The following FNDC3A variants were observed in gnomAD, a reference collection of about 807,000 sequenced individuals.
FNDC3A encodes fibronectin type III domain containing 3A.
A neutral mutation model predicts 148.9 loss-of-function variants in FNDC3A; 32 were observed. The ratio of observed to expected loss-of-function variants is 0.21; its 90% confidence interval spans 0.16 to 0.29. FNDC3A has a LOEUF of 0.29. FNDC3A is among the 10% of genes least tolerant of loss of function. The pLI, the probability that FNDC3A is intolerant of heterozygous loss-of-function variation, is 1.00. For synonymous variants in FNDC3A, 472 were observed against 473.6 expected, an observed-to-expected ratio of 1.00 and a Z score of 0.04; for missense variants, 1,191 against 1,452.8, an observed-to-expected ratio of 0.82 and a Z score of 2.93.
intron 4 of FNDC3A, among the ~76,000 whole-genome samples, chr13:49,120,158 AAGCC>A (rs1432307744): frequency 2.0e-5 from 3 of 152,226 alleles, no homozygotes; most frequent in Non-Finnish European, 2.9e-5. Flanking sequence ...GAAACTCTCC[AAGCC>A]AGAAGAGAGT....
chr13:49,027,702 G>GT (rs1873822994), intron 2 of FNDC3A, among the ~76,000 whole-genome samples: 1 of 151,834 alleles, frequency 6.6e-6, no homozygotes, highest in African/African-American at 2.4e-5. Flanking sequence ...TAACTCAAAA[G>GT]AATATTGTAA....
intron 3 of FNDC3A, among the ~76,000 whole-genome samples, chr13:49,096,846 G>A (rs1338127443): frequency 1.3e-5 from 2 of 152,120 alleles, no homozygotes; most frequent in Admixed American, 1.3e-4. Flanking sequence ...CAAGCATAGG[G>A]AAGTCATTGA....
intron 4 of FNDC3A, among the ~76,000 whole-genome samples, chr13:49,121,930 G>A (rs1881376511): frequency 6.6e-6 from 1 of 152,172 alleles, no homozygotes; most frequent in Non-Finnish European, 1.5e-5. Context: ...ACAAAGAGGA[G>A]CTGTTACTAT....
intron 3 of FNDC3A, among the ~76,000 whole-genome samples, chr13:49,086,483 A>C (rs1189228466): frequency 6.6e-6 from 1 of 152,220 alleles, no homozygotes; most frequent in Non-Finnish European, 1.5e-5. Flanking sequence ...AATGTATTTT[A>C]ATAATACGGA....
intron 11 of FNDC3A, among the ~76,000 whole-genome samples, chr13:49,173,412 T>C (rs1884865452): frequency 1.3e-5 from 2 of 152,228 alleles, no homozygotes; most frequent in African/African-American, 4.8e-5. Flanking sequence ...AAATTACCAT[T>C]CATCTCAGTT....
At chr13:49,083,485 G>A (rs531653302) in intron 3 of FNDC3A, among the ~76,000 whole-genome samples, 4 of 151,910 alleles carry the variant, frequency 2.6e-5, no homozygotes, top group African/African-American at 7.3e-5. Flanking sequence ...CTGGTTAGAC[G>A]GTATTCTTTT....
chr13:49,036,528 T>C (rs1439098347), intron 2 of FNDC3A, among the ~76,000 whole-genome samples: 1 of 152,210 alleles, frequency 6.6e-6, no homozygotes, highest in Non-Finnish European at 1.5e-5. Context: ...GAGCAAACAT[T>C]TGTTCAACCT....
chr13:49,065,755 C>T (rs1278257353), intron 2 of FNDC3A, among the ~76,000 whole-genome samples: 1 of 152,096 alleles, frequency 6.6e-6, no homozygotes, highest in Non-Finnish European at 1.5e-5. Flanking sequence ...AAGAGGGGAC[C>T]TTTTACTCTA....
Position 49,131,489 on chromosome 13 carries a change from G to T in FNDC3A, c.490+115G>T, listed in dbSNP as rs184535607. 7 of 797,622 alleles carry T rather than the reference G, an allele frequency of 8.8e-6. No individual in the cohort carries two copies. In the East Asian group the frequency reaches 1.5e-4, roughly 17 times the overall value. The allele number at this position is 797,622 out of a possible 1,614,324, so 49.4% of individuals were successfully genotyped here. A position where few individuals can be genotyped will look rare whatever the true frequency, so the allele number is the denominator to read the frequency against. On this transcript the variant is annotated intron_variant, in intron 5 of 25. Coordinates refer to ENST00000492622, the MANE Select transcript of FNDC3A (RefSeq NM_001079673.2). ...ACAGCAAATGGTAATGATGTAACAG[G>T]CATTTTTCTTTTACTCAAGTACTAT... is the stretch of plus-strand genomic sequence containing the variant.
chr13:49,060,619 G>A (rs941033801), intron 2 of FNDC3A, among the ~76,000 whole-genome samples: 9 of 136,924 alleles, frequency 6.6e-5, no homozygotes, highest in Non-Finnish European at 1.1e-4. Context: ...ACTCCAGCCT[G>A]GGCGACAGAA....
Position 49,207,717 on chromosome 13 carries a change from G to T in FNDC3A, c.*322G>T. 4.2e-6 allele frequency: 1 copy of T among 238,596 alleles called. No individual in the cohort carries two copies. Among genetic ancestry groups the T allele is most frequent in the Non-Finnish European group, 8.3e-6 (1 of 121,186 alleles). 14.8% of individuals were successfully genotyped at this position (238,596 alleles called of 1,614,324 possible). A position where few individuals can be genotyped will look rare whatever the true frequency, so the allele number is the denominator to read the frequency against. Reference sequence around the variant, plus strand: ...TTAGAATGGATATTTTGACGAATCGGCATGAGTGTAACAGTGATAACCTGA... The same window carrying T: ...TTAGAATGGATATTTTGACGAATCGTCATGAGTGTAACAGTGATAACCTGA... On this transcript the variant is annotated 3_prime_UTR_variant, in exon 26 of 26. Transcript: ENST00000492622.
chr13:49,174,925 G>T (rs1884949364), intron 12 of FNDC3A, among the ~76,000 whole-genome samples: 1 of 152,188 alleles, frequency 6.6e-6, no homozygotes. Context: ...TATCTTTCAA[G>T]AGTCATTGAA....
intron 3 of FNDC3A, among the ~76,000 whole-genome samples, chr13:49,099,194 T>C (rs1879711436): frequency 6.6e-6 from 1 of 152,172 alleles, no homozygotes; most frequent in Admixed American, 6.6e-5. Flanking sequence ...AAATAAGTTG[T>C]GATAGATTTG....
intron 3 of FNDC3A, among the ~76,000 whole-genome samples, chr13:49,079,451 G>A (rs896601806): frequency 1.3e-5 from 2 of 152,194 alleles, no homozygotes; most frequent in Non-Finnish European, 2.9e-5. Flanking sequence ...AATTATTCCA[G>A]GAGAAAATGA....
intron 2 of FNDC3A, chr13:49,044,838 A>T: frequency 2.7e-6 from 1 of 372,808 alleles, no homozygotes; most frequent in Non-Finnish European, 5.3e-6. Context: ...GTTAGAAACT[A>T]CTGGGGTTTG....
At chr13:49,006,314 C>T (rs754895714) in intron 2 of FNDC3A, 25 bp downstream of exon 2, 2 of 1,352,028 alleles carry the variant, frequency 1.5e-6, no homozygotes, top group Non-Finnish European at 2.1e-6. Context: ...ATGTTTATTT[C>T]TTTATGTCTA....
rs189741268 is a variant in FNDC3A at position 49,208,517 on chromosome 13, T to A, written c.*1122T>A. On this transcript the variant is annotated 3_prime_UTR_variant, in exon 26 of 26. Transcript: ENST00000492622. ...GTTTAACGTATAATGTCTGTTTGGA[T>A]ACTGTTCCAAATTGTTGATTGCATG... 1 of 152,798 alleles carries A rather than the reference T, an allele frequency of 6.5e-6. No homozygotes were observed. Among genetic ancestry groups the A allele is most frequent in the African/African-American group, 2.4e-5 (1 of 41,584 alleles). 9.5% of individuals were successfully genotyped at this position (152,798 alleles called of 1,614,324 possible). A position where few individuals can be genotyped will look rare whatever the true frequency, so the allele number is the denominator to read the frequency against.
At chr13:49,144,013 GCTACTACTACTACTACTA>G (rs1236746605) in intron 7 of FNDC3A, among the ~76,000 whole-genome samples, 2 of 142,124 alleles carry the variant, frequency 1.4e-5, no homozygotes, top group African/African-American at 5.4e-5. Flanking sequence ...TACTACTACT[GCTACTACTACTACTACTA>G]CTAATAATAA....
intron 2 of FNDC3A, among the ~76,000 whole-genome samples, chr13:49,035,243 G>A (rs542509899): frequency 6.6e-6 from 1 of 152,154 alleles, no homozygotes; most frequent in East Asian, 1.9e-4. Context: ...AGTAGGATTG[G>A]TAAGAGAATT....
Sources: gnomAD v4.1 joint callset for allele counts (sites outside exome capture counted in the v4.1 genomes callset) on GRCh38, gnomAD v4.1.1 for gene constraint, MANE v1.5 for transcripts, NCBI Gene and HGNC (gene_info 2026-07-23, HGNC 2026-07-21) for gene names.